Variants in PRIMA1 observed in about 807,000 individuals in gnomAD.
The protein encoded by PRIMA1 is proline rich membrane anchor 1.
PRIMA1 carries 7 observed loss-of-function variants against 17.5 expected under a neutral mutation model. The ratio of observed to expected loss-of-function variants is 0.40; its 90% confidence interval spans 0.23 to 0.75. The LOEUF is 0.75. Among genes scored for constraint, PRIMA1 ranks in the 30% least tolerant of loss-of-function variants. PRIMA1 has a pLI of 0.37. For missense variants in PRIMA1, 200 were observed against 201.8 expected, an observed-to-expected ratio of 0.99 and a Z score of 0.05; for synonymous variants, 97 against 77.9, an observed-to-expected ratio of 1.25 and a Z score of -1.29.
rs146590026 is a variant in PRIMA1 at position 93,756,655 on chromosome 14, C to T, written c.230-19285G>A. 5.5e-4 allele frequency among the ~76,000 whole-genome samples: 84 copies of T among 152,310 alleles called. 2 individuals are homozygous for T. In the East Asian group the frequency reaches 0.016, roughly 28 times the overall value. On this transcript the variant is annotated intron_variant, in intron 3 of 4. Coordinates refer to ENST00000393140, the MANE Select transcript of PRIMA1 (RefSeq NM_178013.4). ...TACAGCATCGGCCCCAGCACGTCCCCCAGCCCCCTGACTTCCATATCCAGC... is the reference window on the plus strand; with the variant it reads ...TACAGCATCGGCCCCAGCACGTCCCTCAGCCCCCTGACTTCCATATCCAGC...
chr14:93,773,219 A>G (rs921356150), intron 3 of PRIMA1, among the ~76,000 whole-genome samples: 5 of 152,178 alleles, frequency 3.3e-5, no homozygotes, highest in Admixed American at 2.6e-4. Flanking sequence ...ATAATTTCTA[A>G]TCTTCATGAC....
chr14:93,779,623 G>A (rs1194187726), intron 2 of PRIMA1, among the ~76,000 whole-genome samples: 4 of 152,180 alleles, frequency 2.6e-5, no homozygotes, highest in African/African-American at 7.2e-5. Flanking sequence ...TTGTACAAAC[G>A]AGTAAACTGA....
intron 3 of PRIMA1, among the ~76,000 whole-genome samples, chr14:93,765,493 C>T (rs1884868817): frequency 6.7e-6 from 1 of 150,294 alleles, no homozygotes; most frequent in Admixed American, 6.7e-5. Flanking sequence ...AGTGGCCACC[C>T]TGTACTGGAC....
In PRIMA1 at chr14:93,748,164, G is replaced by A. The variant is rs140968157; in HGVS notation, c.230-10794C>T. 2.1e-3 allele frequency among the ~76,000 whole-genome samples: 326 copies of A among 152,278 alleles called. 1 individual carries two copies. Among genetic ancestry groups the A allele is most frequent in the Non-Finnish European group, 3.1e-3 (213 of 68,008 alleles). On this transcript the variant is annotated intron_variant, in intron 3 of 4. Coordinates refer to ENST00000393140, the MANE Select transcript of PRIMA1 (RefSeq NM_178013.4). ...AGACTGTGTGAGTGCTGATGGCTGTGGCCCAGGCGAGGGGGAAGAGCTGAG... is the reference window on the plus strand; with the variant it reads ...AGACTGTGTGAGTGCTGATGGCTGTAGCCCAGGCGAGGGGGAAGAGCTGAG...
At chr14:93,758,796 T>G (rs1327926717) in intron 3 of PRIMA1, among the ~76,000 whole-genome samples, 1 of 152,030 alleles carries the variant, frequency 6.6e-6, no homozygotes, top group East Asian at 1.9e-4. Context: ...CAAAGCATTG[T>G]GCAATGGACT....
At chr14:93,743,715 G>A (rs975583582) in intron 3 of PRIMA1, among the ~76,000 whole-genome samples, 3 of 152,230 alleles carry the variant, frequency 2.0e-5, no homozygotes, top group Non-Finnish European at 2.9e-5. Context: ...CTGGTGACTC[G>A]GCCATGGGGA....
chr14:93,722,578 TGC>T (rs2076046778), intron 4 of PRIMA1, among the ~76,000 whole-genome samples: 1 of 143,940 alleles, frequency 6.9e-6, no homozygotes, highest in Non-Finnish European at 1.6e-5. Flanking sequence ...AAGGTTAAAA[TGC>T]TGGTGGTGAT....
intron 3 of PRIMA1, among the ~76,000 whole-genome samples, chr14:93,772,914 G>C (rs1345543265): frequency 6.6e-6 from 1 of 152,150 alleles, no homozygotes; most frequent in Non-Finnish European, 1.5e-5. Flanking sequence ...GCTTGCATTA[G>C]AATTATTTAT....
intron 3 of PRIMA1, among the ~76,000 whole-genome samples, chr14:93,763,967 A>G (rs966543940): frequency 1.2e-4 from 18 of 151,744 alleles, no homozygotes; most frequent in Non-Finnish European, 2.9e-5. Context: ...AAAGCCTGGG[A>G]CTCGGGATCT....
intron 2 of PRIMA1, among the ~76,000 whole-genome samples, chr14:93,781,170 T>C (rs954684864): frequency 2.6e-5 from 4 of 152,242 alleles, no homozygotes; most frequent in African/African-American, 4.8e-5. Context: ...TAAAAGGCCA[T>C]TGACTGCGTT....
intron 3 of PRIMA1, among the ~76,000 whole-genome samples, chr14:93,766,300 A>G (rs995361311): frequency 1.3e-5 from 2 of 152,168 alleles, no homozygotes; most frequent in African/African-American, 4.8e-5. Flanking sequence ...CCCAGATTCC[A>G]AAGACCTGGG....
chr14:93,786,158 G>A (rs1234400390), intron 2 of PRIMA1, among the ~76,000 whole-genome samples: 2 of 152,178 alleles, frequency 1.3e-5, no homozygotes, highest in Non-Finnish European at 2.9e-5. Context: ...TAAAAACGAA[G>A]TGAACTCAAT....
chr14:93,737,361 G>C lies in PRIMA1; in HGVS notation c.239C>G (p.Ser80Cys). 6.2e-7 allele frequency: 1 copy of C among 1,614,032 alleles called. No individual in the cohort carries two copies. The highest frequency in any genetic ancestry group is 8.5e-7 in the Non-Finnish European group (1 of 1,179,970). Residue 80 changes from serine to cysteine, a missense_variant, in exon 4 of 5, where the codon TCT becomes TGT. Transcript: ENST00000393140. ...GCTTTCCTCAGTGGGGCAAGAGGTA[G>C]AGTTGGGAGCTGAAAAAGACAGGAG... is the stretch of plus-strand genomic sequence containing the variant. Reference protein sequence around the residue: ...PRLLSAPAPNSTSCPTEESWW... With the variant: ...PRLLSAPAPNCTSCPTEESWW...
chr14:93,768,833 T>A (rs1418116762), intron 3 of PRIMA1, among the ~76,000 whole-genome samples: 2 of 138,952 alleles, frequency 1.4e-5, no homozygotes, highest in Admixed American at 1.6e-4. Flanking sequence ...TGAGATGGAG[T>A]CTCACTCTGT....
intron 3 of PRIMA1, among the ~76,000 whole-genome samples, chr14:93,768,812 T>TC (rs1391228305): frequency 3.6e-5 from 5 of 138,164 alleles, no homozygotes; most frequent in African/African-American, 6.7e-5. Context: ...TTTTTTTCTT[T>TC]TTTTTTTTTT....
Position 93,761,191 on chromosome 14 carries a change from C to CA in PRIMA1, c.229+17984dup, listed in dbSNP as rs376368903. Among the ~76,000 whole-genome samples the CA allele has an allele frequency of 2.6e-4, 39 of 149,526 alleles. No homozygotes were observed. The East Asian group carries it at 3.3e-3, about 13-fold the overall frequency. Reference sequence around the variant, plus strand: ...CGAAACCCTGTCTCTACTAAAAATACAAAAAAAAAATTAGCTGGGCATGAT... The same window carrying CA: ...CGAAACCCTGTCTCTACTAAAAATACAAAAAAAAAAATTAGCTGGGCATGAT... On this transcript the variant is annotated intron_variant, in intron 3 of 4. Transcript: ENST00000393140.
At chr14:93,728,163 T>C (rs1020300915) in intron 4 of PRIMA1, among the ~76,000 whole-genome samples, 2 of 152,196 alleles carry the variant, frequency 1.3e-5, no homozygotes, top group African/African-American at 2.4e-5. Flanking sequence ...TCCACCTCCA[T>C]GGTCCTGTGG....
intron 3 of PRIMA1, among the ~76,000 whole-genome samples, chr14:93,771,237 T>G (rs1018156719): frequency 3.4e-5 from 5 of 147,556 alleles, no homozygotes; most frequent in African/African-American, 1.3e-4. Context: ...CCATCAGGGG[T>G]GGTGTCTAAT....
chr14:93,750,328 G>A (rs2076252519), intron 3 of PRIMA1, among the ~76,000 whole-genome samples: 1 of 152,236 alleles, frequency 6.6e-6, no homozygotes, highest in Non-Finnish European at 1.5e-5. Flanking sequence ...GATGGCTTGA[G>A]CCCAGGAGTT....
Sources: gnomAD v4.1 joint callset for allele counts (sites outside exome capture counted in the v4.1 genomes callset) on GRCh38, gnomAD v4.1.1 for gene constraint, MANE v1.5 for transcripts, NCBI Gene and HGNC (gene_info 2026-07-23, HGNC 2026-07-21) for gene names.